Variants in WDR90 observed in about 807,000 individuals in gnomAD.
WDR90 encodes the protein WD repeat domain 90, also known as WD repeat-containing protein 90.
A neutral mutation model predicts 195.2 loss-of-function variants in WDR90; 238 were observed. The ratio of observed to expected loss-of-function variants is 1.22; its 90% CI spans 1.10 to 1.36. The LOEUF (loss-of-function observed/expected upper bound fraction) is 1.36. Ranked by LOEUF, WDR90 falls within the 40% of genes most tolerant of loss-of-function variation. WDR90 has a pLI of 0.00. For synonymous variants in WDR90, 1,265 were observed against 1,052.4 expected (o/e 1.20, Z -3.91); for missense variants, 2,734 against 2,439.5 (o/e 1.12, Z -2.54).
At chr16:652,811 G>A (rs2037673403) in intron 10 of WDR90, among the ~76,000 whole-genome samples, 1 of 152,238 alleles carries the variant, frequency 6.6e-6, no homozygotes, top group Non-Finnish European at 1.5e-5. Flanking sequence ...TCCCCCCGAA[G>A]ACCCAGAGCT....
In WDR90 at chr16:658,576, G is replaced by A. The variant is rs754999232; in HGVS notation, c.2818G>A (p.Ala940Thr). 16 of 1,612,726 alleles carry A rather than the reference G, an allele frequency of 9.9e-6. No homozygotes were observed. The highest frequency in any genetic ancestry group is 6.7e-5 in the East Asian group (3 of 44,880). ...PCPSLTLSED[A>T]RFLLIAAGRT... Reference sequence around the variant, plus strand: ...CCCCTCCTTGACGCTCAGTGAGGACGCCCGCTTCCTGCTGATTGCCGCCGG... The same window carrying A: ...CCCCTCCTTGACGCTCAGTGAGGACACCCGCTTCCTGCTGATTGCCGCCGG... The change falls in exon 23 of 41, where the codon GCC becomes ACC. Residue 940 changes from alanine to threonine, a missense_variant. Transcript: ENST00000293879.
chr16:660,186 T>C, intron 27 of WDR90, 25 bp downstream of exon 27: 1 of 1,484,892 alleles, frequency 6.7e-7, no homozygotes, highest in Non-Finnish European at 9.0e-7. Context: ...CTGGGAGCCC[T>C]CTTTATCCCC....
In WDR90 at chr16:661,723, G is replaced by A. The variant is rs758290055; in HGVS notation, c.3800G>A (p.Cys1267Tyr). Residue 1267 changes from cysteine (C) to tyrosine (Y), a missense_variant, in exon 31 of 41, where the codon TGT becomes TAT. Transcript: ENST00000293879. The part of the protein sequence containing the change: ...FNPWDAGELT[C>Y]VGQGTVTFWL... ...CCCTGGGACGCCGGCGAGCTCACCTGTGTGGGCCAGGGCACTGTCACCTTC... is the reference window on the plus strand; with the variant it reads ...CCCTGGGACGCCGGCGAGCTCACCTATGTGGGCCAGGGCACTGTCACCTTC... 4 of 1,612,238 alleles carry A rather than the reference G, an allele frequency of 2.5e-6. No homozygotes were observed. The highest frequency in any genetic ancestry group is 3.4e-6 in the Non-Finnish European group (4 of 1,179,774).
At chr16:665,393 C>T (rs1013667132) in intron 34 of WDR90, 60 of 583,150 alleles carry the variant, frequency 1.0e-4, no homozygotes, top group Admixed American at 1.9e-4. Context: ...TAGGGATGCA[C>T]GGCCACGCTC....
At chr16:654,890 A>T in intron 13 of WDR90, 139 bp from the exon 14 acceptor site, 1 of 726,276 alleles carries the variant, frequency 1.4e-6, no homozygotes, top group Non-Finnish European at 2.3e-6. Flanking sequence ...GTTTCCTTCC[A>T]CTCTCCACGG....
intron 26 of WDR90, 144 bp downstream of exon 26, chr16:659,520 G>A (rs1160567106): frequency 5.1e-6 from 6 of 1,168,794 alleles, no homozygotes; most frequent in Non-Finnish European, 7.2e-6. Flanking sequence ...TGGGGTCGGG[G>A]TGGGGGCAGC....
intron 19 of WDR90, 59 bp from the exon 20 acceptor site, chr16:657,032 G>A (rs941563279): frequency 2.1e-4 from 325 of 1,580,954 alleles, no homozygotes; most frequent in Non-Finnish European, 2.7e-4. Flanking sequence ...GAGGTCGAGG[G>A]AACCCATGGT....
chr16:655,205 G>A (rs760503277), intron 14 of WDR90, 58 bp downstream of exon 14: 13 of 1,611,790 alleles, frequency 8.1e-6, no homozygotes, highest in Middle Eastern at 1.6e-4. Flanking sequence ...AGTGGGGGCC[G>A]AGGCCCGAGC....
rs755649419 is a variant in WDR90 at position 656,785 on chromosome 16, C to G, written c.2256C>G (p.Pro752=). The G allele has an allele frequency of 2.5e-6, 4 of 1,613,276 alleles. No individual in the cohort carries two copies. Among genetic ancestry groups the G allele is most frequent in the South Asian group, 2.2e-5 (2 of 91,086 alleles). The change falls in exon 19 of 41, where the codon CCC becomes CCG. Residue 752 remains proline, a synonymous_variant. Coordinates refer to ENST00000293879, the MANE Select transcript of WDR90 (RefSeq NM_145294.5). The stretch of plus-strand genomic sequence containing the variant: ...CCCCGTGCGCTGTCACCTTCCACCC[C>G]ACAAGGCCAACCTTTTTCTGTGGCT... ...EDAPCAVTFH[P]TRPTFFCGFS... is the part of the protein sequence containing the mutation.
chr16:662,435 C>T (rs1409577981), intron 33 of WDR90, 104 bp downstream of exon 33: 18 of 1,390,538 alleles, frequency 1.3e-5, no homozygotes, highest in East Asian at 2.5e-5. Flanking sequence ...CCCTGCAGAC[C>T]GGCCGCCTGC....
intron 9 of WDR90, chr16:652,246 A>T: frequency 1.3e-6 from 1 of 794,452 alleles, no homozygotes; most frequent in Admixed American, 2.8e-5. Context: ...CTCACCCCCA[A>T]TGCGTCAGCC....
At chr16:649,697 C>T in intron 1 of WDR90, 66 bp from the exon 2 acceptor site, 6 of 1,467,448 alleles carry the variant, frequency 4.1e-6, no homozygotes, top group Non-Finnish European at 5.5e-6. Flanking sequence ...GAGGCCCGGC[C>T]CAGCCCCGCA....
intron 34 of WDR90, 37 bp from the exon 35 acceptor site, chr16:665,642 G>A (rs748149770): frequency 6.2e-7 from 1 of 1,612,156 alleles, no homozygotes; most frequent in South Asian, 1.1e-5. Context: ...CCCTGCCCAG[G>A]GGCCAACACC....
intron 20 of WDR90, 64 bp from the exon 21 acceptor site, chr16:657,698 G>A (rs1404270629): frequency 1.0e-5 from 15 of 1,464,866 alleles, no homozygotes; most frequent in African/African-American, 2.9e-5. Flanking sequence ...CGGCCTCCTC[G>A]GGCCCTGGCC....
chr16:667,393 T>C (rs2038122225), intron 40 of WDR90, 39 bp from the exon 41 acceptor site: 3 of 1,564,508 alleles, frequency 1.9e-6, no homozygotes, highest in East Asian at 2.3e-5. Flanking sequence ...GAGTGCTGCC[T>C]GGTCCTGGCC....
At chr16:651,302 G>C in intron 7 of WDR90, 36 bp downstream of exon 7, 1 of 1,609,752 alleles carries the variant, frequency 6.2e-7, no homozygotes, top group Non-Finnish European at 8.5e-7. Flanking sequence ...CCAGGTTAAG[G>C]CCTGTAGGGT....
At chr16:652,318 C>T (rs1427998349) in intron 9 of WDR90, 149 bp from the exon 10 acceptor site, 3 of 987,662 alleles carry the variant, frequency 3.0e-6, no homozygotes, top group Admixed American at 2.8e-5. Context: ...CAGCTTCCAC[C>T]TTACCACAGC....
Position 660,625 on chromosome 16 carries a change from CTCCCGCCAGCGGTG to C in WDR90, c.3303_3316del (p.Pro1102ValfsTer100). ...CCTTCCTCGCAGGGCACTTGCCCGC[CTCCCGCCAGCGGTG>C]GGTGGCTGCGTCTGAAGGCTGTCGT... On this transcript the variant is annotated frameshift_variant, in exon 28 of 41. Transcript: ENST00000293879. LOFTEE classifies it high-confidence loss of function. 6.4e-7 allele frequency: 1 copy of C among 1,569,668 alleles called. No individual in the cohort carries two copies.
In WDR90 at chr16:661,623, C is replaced by T. The variant is rs775883734; in HGVS notation, c.3700C>T (p.Leu1234=). 11 of 1,600,660 alleles carry T rather than the reference C, an allele frequency of 6.9e-6. No individual in the cohort carries two copies. The highest frequency in any genetic ancestry group is 6.8e-6 in the Non-Finnish European group (8 of 1,173,164). ...GGACCACGATGGCCGCACCCTCGCC[C>T]TGTGGGGCACGGCCACCTATGACCT... The part of the protein sequence containing the change: ...LGDHDGRTLA[L]WGTATYDLVS... The change falls in exon 31 of 41, where the codon CTG becomes TTG. Residue 1234 remains leucine, a synonymous_variant. Coordinates refer to ENST00000293879, the MANE Select transcript of WDR90 (RefSeq NM_145294.5).
Sources: gnomAD v4.1 joint callset for allele counts (sites outside exome capture counted in the v4.1 genomes callset) on GRCh38, gnomAD v4.1.1 for gene constraint, MANE v1.5 for transcripts, NCBI Gene and HGNC (gene_info 2026-07-23, HGNC 2026-07-21) for gene names.